Variants in CNTNAP2 observed in about 807,000 individuals in gnomAD.
CNTNAP2 encodes contactin associated protein 2, also known as contactin-associated protein-like 2.
CNTNAP2 carries 98 observed loss-of-function variants against 155.2 expected under a neutral mutation model. The ratio of observed to expected loss-of-function variants is 0.63; its 90% CI spans 0.54 to 0.75. CNTNAP2 has a LOEUF of 0.75. Among genes scored for constraint, CNTNAP2 ranks in the 30% least tolerant of loss-of-function variants. The probability of loss-of-function intolerance (pLI) is 0.00; values close to 1 mark genes in which losing one functional copy is unlikely to be tolerated. For missense variants in CNTNAP2, 1,727 were observed against 1,688.1 expected, an observed-to-expected ratio of 1.02 and a Z score of -0.40; for synonymous variants, 651 against 631.2, an observed-to-expected ratio of 1.03 and a Z score of -0.47.
intron 1 of CNTNAP2, among the ~76,000 whole-genome samples, chr7:146,310,766 T>C (rs1800808019): frequency 6.6e-6 from 1 of 152,186 alleles, no homozygotes; most frequent in African/African-American, 2.4e-5. Context: ...TTCATCCATT[T>C]ATCCATCCTA....
At chr7:147,408,999 G>A (rs565486077) in intron 10 of CNTNAP2, among the ~76,000 whole-genome samples, 3 of 152,260 alleles carry the variant, frequency 2.0e-5, no homozygotes, top group South Asian at 4.1e-4. Flanking sequence ...TGTGGAAACC[G>A]GAAAAGGTAT....
At chr7:148,335,005 C>A (rs2116569734) in intron 21 of CNTNAP2, among the ~76,000 whole-genome samples, 1 of 152,350 alleles carries the variant, frequency 6.6e-6, no homozygotes, top group Non-Finnish European at 1.5e-5. Context: ...CACCTGGAGC[C>A]AGGCGCCTGG....
chr7:147,211,653 T>C (rs1029935458), intron 8 of CNTNAP2, among the ~76,000 whole-genome samples: 14 of 151,962 alleles, frequency 9.2e-5, no homozygotes, highest in South Asian at 2.1e-4. Flanking sequence ...AAAAGTTAAC[T>C]AAAGATAGAT....
At chr7:147,865,307 T>A (rs779885450) in intron 13 of CNTNAP2, among the ~76,000 whole-genome samples, 56 of 152,312 alleles carry the variant, frequency 3.7e-4, no homozygotes, top group Admixed American at 8.5e-4. Flanking sequence ...AGCTTTTTGA[T>A]ATGCTGCTGG....
intron 1 of CNTNAP2, among the ~76,000 whole-genome samples, chr7:146,711,706 C>T (rs1407748013): frequency 1.4e-5 from 2 of 145,604 alleles, no homozygotes; most frequent in African/African-American, 2.5e-5. Context: ...CTTATGTATA[C>T]ATATATAGTA....
chr7:148,351,659 C>T (rs1015609013), intron 21 of CNTNAP2, among the ~76,000 whole-genome samples: 2 of 146,366 alleles, frequency 1.4e-5, no homozygotes, highest in African/African-American at 2.5e-5. Flanking sequence ...AGGAGAATCA[C>T]TTGAACCCAG....
chr7:147,190,379 C>T (rs987050433), intron 8 of CNTNAP2, among the ~76,000 whole-genome samples: 1 of 152,038 alleles, frequency 6.6e-6, no homozygotes, highest in African/African-American at 2.4e-5. Flanking sequence ...GTTCAGAAAG[C>T]AAAAGAGAAA....
chr7:147,083,539 T>TATATATATGTGTATATATATATAC (rs1224219333), intron 4 of CNTNAP2, among the ~76,000 whole-genome samples: 8 of 30,462 alleles, frequency 2.6e-4, no homozygotes, highest in Non-Finnish European at 9.9e-4. Flanking sequence ...TATATATACA[T>TATATATATGTGTATATATATATAC]ATATATATAT....
At chr7:146,911,136 C>T (rs1361097573) in intron 3 of CNTNAP2, among the ~76,000 whole-genome samples, 4 of 151,948 alleles carry the variant, frequency 2.6e-5, no homozygotes. Context: ...GAATGGCAAT[C>T]ATTAAAAAGT....
chr7:146,203,680 A>G (rs2116871939), intron 1 of CNTNAP2, among the ~76,000 whole-genome samples: 1 of 152,234 alleles, frequency 6.6e-6, no homozygotes, highest in African/African-American at 2.4e-5. Flanking sequence ...GGGTTGGGGC[A>G]GAAAGTCCCA....
Position 147,144,945 on chromosome 7 carries a change from G to A in CNTNAP2, c.1348+12436G>A, listed in dbSNP as rs571650262. ...TCTAATCTTTGATGAAGTAAAAAAC[G>A]TTAAAATTCAATAATTCTAATTGAG... On this transcript the variant is annotated intron_variant, in intron 8 of 23. Coordinates refer to ENST00000361727, the MANE Select transcript of CNTNAP2 (RefSeq NM_014141.6). Among the ~76,000 whole-genome samples, 3 of 152,066 alleles carry A rather than the reference G, an allele frequency of 2.0e-5. No individual in the cohort carries two copies. In the East Asian group the frequency reaches 5.8e-4, roughly 29 times the overall value.
At chr7:147,824,184 C>A (rs1002184843) in intron 13 of CNTNAP2, among the ~76,000 whole-genome samples, 1 of 152,114 alleles carries the variant, frequency 6.6e-6, no homozygotes, top group African/African-American at 2.4e-5. Context: ...CTCCTTTATT[C>A]AAAAGGCTGA....
intron 20 of CNTNAP2, among the ~76,000 whole-genome samples, chr7:148,243,753 A>G (rs1585212226): frequency 6.6e-6 from 1 of 152,002 alleles, no homozygotes; most frequent in African/African-American, 2.4e-5. Flanking sequence ...GCCAAACCAT[A>G]TCAATGGATA....
At chr7:146,309,883 A>G (rs1343958616) in intron 1 of CNTNAP2, among the ~76,000 whole-genome samples, 1 of 151,868 alleles carries the variant, frequency 6.6e-6, no homozygotes, top group African/African-American at 2.4e-5. Context: ...GGAAAGAGGA[A>G]ATAGAATTTA....
At chr7:148,081,932 G>A (rs1430473561) in intron 15 of CNTNAP2, among the ~76,000 whole-genome samples, 1 of 152,168 alleles carries the variant, frequency 6.6e-6, no homozygotes, top group African/African-American at 2.4e-5. Context: ...GATAGATGGA[G>A]TAAGCATAGA....
intron 1 of CNTNAP2, among the ~76,000 whole-genome samples, chr7:146,315,268 A>C (rs1800888413): frequency 6.6e-6 from 1 of 152,052 alleles, no homozygotes; most frequent in African/African-American, 2.4e-5. Context: ...CTTGAGGGAA[A>C]TCTCCCAATG....
intron 9 of CNTNAP2, among the ~76,000 whole-genome samples, chr7:147,302,994 A>ATGG (rs1305025700): frequency 6.6e-6 from 1 of 152,222 alleles, no homozygotes; most frequent in African/African-American, 2.4e-5. Flanking sequence ...GCGACGCTGA[A>ATGG]TGGTGGGATT....
chr7:146,959,626 A>C (rs1797513459), intron 3 of CNTNAP2, among the ~76,000 whole-genome samples: 1 of 151,276 alleles, frequency 6.6e-6, no homozygotes, highest in Non-Finnish European at 1.5e-5. Context: ...AGGCTGAGGC[A>C]GAAGACTCAC....
rs183160833 is a variant in CNTNAP2 at position 146,254,689 on chromosome 7, A to G, written c.97+137716A>G. On this transcript the variant is annotated intron_variant, in intron 1 of 23. Transcript: ENST00000361727. ...TTTCTGGAGCTTATTTCAATGTAAA[A>G]GTACTTTAAAAACTTAGAAAATAGG... Among the ~76,000 whole-genome samples, 4 of 152,318 alleles carry G rather than the reference A, an allele frequency of 2.6e-5. No homozygotes were observed. The East Asian group carries it at 7.7e-4, about 29-fold the overall frequency.
Sources: allele counts gnomAD v4.1 joint callset (sites outside exome capture counted in the v4.1 genomes callset), GRCh38; gene constraint gnomAD v4.1.1; transcripts MANE v1.5; gene names NCBI Gene and HGNC (gene_info 2026-07-23, HGNC 2026-07-21).